Variants in CTNNA3 observed in about 807,000 individuals in gnomAD.
The protein encoded by CTNNA3 is catenin alpha-3.
A neutral mutation model predicts 95.7 loss-of-function variants in CTNNA3; 76 were observed. That is an observed-to-expected ratio of 0.79 (90% CI 0.66 to 0.96). The LOEUF (loss-of-function observed/expected upper bound fraction) is 0.96. Ranked by LOEUF, CTNNA3 falls within the 40% of genes least tolerant of loss-of-function variation. The pLI is 0.00. For synonymous variants in CTNNA3, 431 were observed against 374.4 expected (o/e 1.15, Z -1.74); for missense variants, 1,191 against 1,089.8 (o/e 1.09, Z -1.31).
chr10:66,841,983 A>C (rs1843081794), intron 7 of CTNNA3, among the ~76,000 whole-genome samples: 1 of 152,260 alleles, frequency 6.6e-6, no homozygotes, highest in African/African-American at 2.4e-5. Flanking sequence ...TCTGTCACTA[A>C]GGCTGGAGTG....
At chr10:66,120,073 CAG>C (rs910637575) in intron 13 of CTNNA3, among the ~76,000 whole-genome samples, 1 of 152,178 alleles carries the variant, frequency 6.6e-6, no homozygotes, top group Admixed American at 6.5e-5. Context: ...TAACTCAGCT[CAG>C]AGCACACAGT....
intron 10 of CTNNA3, among the ~76,000 whole-genome samples, chr10:66,536,600 T>C (rs12767058): frequency 0.027 from 4,033 of 151,488 alleles, 239 homozygotes; most frequent in East Asian, 0.23. Context: ...GTCAATAGGA[T>C]CAAATACTGA....
chr10:66,651,660 C>CGGCT (rs1237884433), intron 9 of CTNNA3, among the ~76,000 whole-genome samples: 16 of 152,246 alleles, frequency 1.1e-4, no homozygotes, highest in Admixed American at 3.3e-4. Context: ...GCCCGCCGGC[C>CGGCT]GGCACTGCTG....
chr10:65,931,009 A>AT (rs1286292800), intron 17 of CTNNA3, among the ~76,000 whole-genome samples: 5 of 152,088 alleles, frequency 3.3e-5, no homozygotes, highest in African/African-American at 1.2e-4. Context: ...CAGCTTCTCT[A>AT]TTTTTTTGAA....
At chr10:67,737,233 A>C (rs1247137637) in intron 1 of CTNNA3, among the ~76,000 whole-genome samples, 1 of 152,228 alleles carries the variant, frequency 6.6e-6, no homozygotes, top group East Asian at 1.9e-4. Flanking sequence ...ATTAAATTAC[A>C]TGCTCCTGAA....
At position 67,479,196 on chromosome 10, in the gene CTNNA3, G is replaced by A. The variant is rs78701751; in HGVS notation, c.579+42646C>T. Among the ~76,000 whole-genome samples the A allele has an allele frequency of 0.029, 4,421 of 152,168 alleles. 411 individuals are homozygous for A. The East Asian group carries it at 0.34, about 12-fold the overall frequency. On this transcript the variant is annotated intron_variant, in intron 5 of 17. Coordinates refer to ENST00000433211, the MANE Select transcript of CTNNA3 (RefSeq NM_013266.4). ...CTGACAAAATTAGGCAGATCACTGA[G>A]GCACCAACTAAGAAATTCTGGACTT...
intron 12 of CTNNA3, among the ~76,000 whole-genome samples, chr10:66,367,872 A>ATTATTAT (rs1433134247): frequency 8.2e-4 from 15 of 18,272 alleles, no homozygotes; most frequent in African/African-American, 2.5e-3. Context: ...AATAATAATA[A>ATTATTAT]TAATAATAAT....
chr10:66,627,837 C>A (rs1395856873), intron 9 of CTNNA3, among the ~76,000 whole-genome samples: 1 of 152,142 alleles, frequency 6.6e-6, no homozygotes, highest in African/African-American at 2.4e-5. Flanking sequence ...ACATCTAATT[C>A]TTGAAGAAAA....
intron 10 of CTNNA3, among the ~76,000 whole-genome samples, chr10:66,532,649 A>T (rs564751092): frequency 2.0e-5 from 3 of 152,268 alleles, no homozygotes; most frequent in African/African-American, 7.2e-5. Context: ...TAAGTTAGAG[A>T]GCATAAGACA....
chr10:66,889,269 A>G (rs1845164624), intron 7 of CTNNA3, among the ~76,000 whole-genome samples: 1 of 152,228 alleles, frequency 6.6e-6, no homozygotes, highest in South Asian at 2.1e-4. Flanking sequence ...TTAGAGCAGT[A>G]ACACTACTCG....
intron 11 of CTNNA3, among the ~76,000 whole-genome samples, chr10:66,499,668 G>C (rs981443164): frequency 1.3e-5 from 2 of 152,030 alleles, no homozygotes; most frequent in African/African-American, 4.8e-5. Flanking sequence ...AGCAATTAAG[G>C]AATTCTCTGT....
At chr10:67,749,698 C>T (rs1014521855) in intron 1 of CTNNA3, among the ~76,000 whole-genome samples, 8 of 152,194 alleles carry the variant, frequency 5.3e-5, no homozygotes, top group African/African-American at 1.4e-4. Context: ...TAAATACCCA[C>T]ATCAGAAAGC....
At chr10:66,740,831 C>T (rs1376209817) in intron 9 of CTNNA3, among the ~76,000 whole-genome samples, 1 of 152,164 alleles carries the variant, frequency 6.6e-6, no homozygotes, top group African/African-American at 2.4e-5. Context: ...GATTTTGAAG[C>T]TGAAATATCT....
intron 7 of CTNNA3, among the ~76,000 whole-genome samples, chr10:66,982,395 A>G (rs1850492847): frequency 6.6e-6 from 1 of 152,188 alleles, no homozygotes; most frequent in Non-Finnish European, 1.5e-5. Flanking sequence ...AACTTCTCTA[A>G]ATCTCAGTTT....
intron 13 of CTNNA3, among the ~76,000 whole-genome samples, chr10:66,236,912 C>T (rs1025640366): frequency 4.6e-5 from 7 of 151,158 alleles, no homozygotes; most frequent in Middle Eastern, 3.2e-3. Context: ...CCCAAGAGTT[C>T]GAGACCAGCC....
At chr10:67,121,442 T>C (rs749715799) in intron 7 of CTNNA3, among the ~76,000 whole-genome samples, 2 of 152,034 alleles carry the variant, frequency 1.3e-5, no homozygotes, top group Non-Finnish European at 2.9e-5. Context: ...GGTGAGACAA[T>C]GGCATCCAAA....
intron 7 of CTNNA3, among the ~76,000 whole-genome samples, chr10:66,918,571 A>G (rs1312326739): frequency 2.6e-5 from 4 of 152,206 alleles, no homozygotes; most frequent in Non-Finnish European, 5.9e-5. Flanking sequence ...AAAACCACCA[A>G]ATGCAGAACA....
At chr10:67,100,281 C>G (rs1858264527) in intron 7 of CTNNA3, among the ~76,000 whole-genome samples, 1 of 151,666 alleles carries the variant, frequency 6.6e-6, no homozygotes, top group South Asian at 2.1e-4. Flanking sequence ...TCTGTGCAAC[C>G]AAGGCCCTAA....
At chr10:66,391,003 T>C (rs1422351016) in intron 11 of CTNNA3, among the ~76,000 whole-genome samples, 5 of 152,120 alleles carry the variant, frequency 3.3e-5, no homozygotes, top group Non-Finnish European at 7.4e-5. Flanking sequence ...ATTCACAATC[T>C]AGTAACCAGA....
Sources: gnomAD v4.1 joint callset for allele counts (sites outside exome capture counted in the v4.1 genomes callset) on GRCh38, gnomAD v4.1.1 for gene constraint, MANE v1.5 for transcripts, NCBI Gene and HGNC (gene_info 2026-07-23, HGNC 2026-07-21) for gene names.